MTAP: variants seen among roughly 807,000 people sequenced by gnomAD.
The protein encoded by MTAP is S-methyl-5'-thioadenosine phosphorylase.
Under a neutral mutation model 33.6 loss-of-function variants are expected in MTAP, and 33 were observed. The observed-to-expected ratio is 0.98, with a 90% CI of 0.74 to 1.31. The LOEUF (loss-of-function observed/expected upper bound fraction) is 1.31. Ranked by LOEUF, MTAP falls within the 40% of genes most tolerant of loss-of-function variation. The pLI, the probability that MTAP is intolerant of heterozygous loss-of-function variation, is 0.00. For synonymous variants in MTAP, 148 were observed against 125.7 expected, an observed-to-expected ratio of 1.18 and a Z score of -1.19; for missense variants, 367 against 360.0, an observed-to-expected ratio of 1.02 and a Z score of -0.16.
At chr9:21,850,583 C>T (rs1441076997) in intron 5 of MTAP, among the ~76,000 whole-genome samples, 1 of 152,136 alleles carries the variant, frequency 6.6e-6, no homozygotes, top group East Asian at 1.9e-4. Flanking sequence ...CTTTGGCAGG[C>T]CCCCATAGGT....
intron 7 of MTAP, chr9:21,860,291 G>A (rs1186138204): frequency 6.6e-6 from 1 of 152,212 alleles, no homozygotes; most frequent in Non-Finnish European, 1.5e-5. Context: ...CGTGGTACAA[G>A]TGCTCCAGTA....
chr9:21,867,984 T>G (rs1825880888), downstream of MTAP, among the ~76,000 whole-genome samples: 1 of 152,152 alleles, frequency 6.6e-6, no homozygotes, highest in Non-Finnish European at 1.5e-5. Context: ...ACAATGTTCA[T>G]GACAAAAGGG....
intron 1 of MTAP, among the ~76,000 whole-genome samples, chr9:21,911,046 A>G (rs1818568140): frequency 6.6e-6 from 1 of 152,196 alleles, no homozygotes; most frequent in Non-Finnish European, 1.5e-5. Flanking sequence ...GCCATTACAT[A>G]ATGGTAAAGG....
At chr9:21,818,320 T>G in intron 4 of MTAP, 118 bp downstream of exon 4, 2 of 255,084 alleles carry the variant, frequency 7.8e-6, no homozygotes, top group Admixed American at 6.9e-5. Context: ...TCGCTTGCTT[T>G]TTTTTTTTTT....
At chr9:21,899,685 G>A (rs1818357865) in intron 1 of MTAP, among the ~76,000 whole-genome samples, 1 of 152,130 alleles carries the variant, frequency 6.6e-6, no homozygotes, top group Non-Finnish European at 1.5e-5. Context: ...TCATTGTCAT[G>A]AGAACAACAT....
In MTAP at chr9:21,876,132, G is replaced by A. The variant is rs1315767856; in HGVS notation, c.147+21262G>A. Among the ~76,000 whole-genome samples the A allele has an allele frequency of 3.3e-5, 5 of 152,128 alleles. No individual in the cohort carries two copies. The East Asian group carries it at 5.8e-4, about 18-fold the overall frequency. On this transcript the variant is annotated intron_variant, in intron 1 of 1. Coordinates refer to the MTAP transcript ENST00000577563. ...TTTCTCGAATGATCAGTGATATCAC[G>A]CTTTTTTAAAGTATGATTGTTGGCC...
At chr9:21,843,803 G>C (rs1291315834) in intron 5 of MTAP, among the ~76,000 whole-genome samples, 1 of 151,978 alleles carries the variant, frequency 6.6e-6, no homozygotes. Context: ...GTCTGAAGGA[G>C]GACAAATCAA....
At chr9:21,933,510 A>ATC (rs1818996460), downstream of MTAP, 1 of 152,232 alleles carries the variant, frequency 6.6e-6, no homozygotes, top group Non-Finnish European at 1.5e-5. Flanking sequence ...CCTGAGGGTT[A>ATC]TCTCTTTGAT....
intron 1 of MTAP, among the ~76,000 whole-genome samples, chr9:21,883,974 A>G (rs1345372350): frequency 4.6e-5 from 7 of 152,156 alleles, no homozygotes; most frequent in Non-Finnish European, 4.4e-5. Flanking sequence ...TGAAGCTGCA[A>G]TATTGCAGAG....
chr9:21,821,443 G>A (rs1418186658), intron 4 of MTAP, among the ~76,000 whole-genome samples: 1 of 152,206 alleles, frequency 6.6e-6, no homozygotes, highest in South Asian at 2.1e-4. Context: ...ATTTGCGTAT[G>A]TTGAACCAGC....
intron 1 of MTAP, among the ~76,000 whole-genome samples, chr9:21,919,787 G>A (rs1818758491): frequency 6.6e-6 from 1 of 152,082 alleles, no homozygotes; most frequent in Non-Finnish European, 1.5e-5. Flanking sequence ...AGTCAGAGAA[G>A]CGGGTTTACA....
At chr9:21,903,251 G>C (rs892744540) in intron 1 of MTAP, among the ~76,000 whole-genome samples, 3 of 152,154 alleles carry the variant, frequency 2.0e-5, no homozygotes, top group Non-Finnish European at 4.4e-5. Flanking sequence ...GGCATACTTA[G>C]GCTTGCTGCA....
intron 1 of MTAP, 95 bp downstream of exon 1, chr9:21,802,876 G>A (rs747600175): frequency 4.6e-4 from 699 of 1,536,038 alleles, no homozygotes; most frequent in Non-Finnish European, 5.7e-4. Context: ...CATGCGCCCG[G>A]CCCGTGCGTC....
intron 1 of MTAP, among the ~76,000 whole-genome samples, chr9:21,906,454 A>AGGAGAGAGGAGGAGAGCAGAGAGG (rs1563866130): frequency 6.6e-6 from 1 of 152,040 alleles, no homozygotes; most frequent in African/African-American, 2.4e-5. Context: ...AATGCACGAG[A>AGGAGAGAGGAGGAGAGCAGAGAGG]GGAGAGAGGA....
chr9:21,937,337 C>CA (rs983665771), exon 8 of MTAP: 218 of 139,582 alleles, frequency 1.6e-3, no homozygotes, highest in Admixed American at 4.2e-3. Flanking sequence ...GACTCCATCT[C>CA]AAAAAAAAAA....
intron 7 of MTAP, chr9:21,860,466 C>G (rs1825731839): frequency 6.6e-6 from 1 of 152,090 alleles, no homozygotes; most frequent in Non-Finnish European, 1.5e-5. Flanking sequence ...AGCTTATCTT[C>G]CCTACTAAGA....
In MTAP at chr9:21,916,080, AAAGGAAGG is replaced by A. The variant is rs375102585; in HGVS notation, c.148-14894_148-14887del. On this transcript the variant is annotated intron_variant, in intron 1 of 1. Coordinates refer to the MTAP transcript ENST00000577563. ...GGAGGGAGGGAGGGAGGGAGGAAGG[AAAGGAAGG>A]AAGGAAGGAAGGAAGGAAGGAAGGA... Among the ~76,000 whole-genome samples, 107 of 117,048 alleles carry A rather than the reference AAAGGAAGG, an allele frequency of 9.1e-4. 2 individuals carry two copies. The highest frequency in any genetic ancestry group is 8.8e-3 in the Middle Eastern group (2 of 228). 76.8% of individuals were successfully genotyped at this position (117,048 alleles called of 152,430 possible).
intron 5 of MTAP, 63 bp downstream of exon 5, chr9:21,838,073 A>G (rs751651978): frequency 2.9e-6 from 4 of 1,401,928 alleles, no homozygotes; most frequent in South Asian, 1.2e-5. Flanking sequence ...GGCATCTGGC[A>G]TTTGGTTAAT....
At chr9:21,855,383 G>C (rs1345567268) in intron 6 of MTAP, among the ~76,000 whole-genome samples, 3 of 152,190 alleles carry the variant, frequency 2.0e-5, no homozygotes, top group African/African-American at 7.2e-5. Context: ...ATATAAGAAA[G>C]CTAACGGTTA....
Sources: allele counts gnomAD v4.1 joint callset (sites outside exome capture counted in the v4.1 genomes callset), GRCh38; gene constraint gnomAD v4.1.1; transcripts MANE v1.5; gene names NCBI Gene and HGNC (gene_info 2026-07-23, HGNC 2026-07-21).